PALLD: variants seen among roughly 807,000 people sequenced by gnomAD.
PALLD encodes the protein palladin.
In PALLD, 61 loss-of-function variants were observed where a neutral mutation model predicts 123.5. The observed-to-expected ratio is 0.49, with a 90% CI of 0.40 to 0.61. PALLD has a LOEUF of 0.61. Among genes scored for constraint, PALLD ranks in the 20% least tolerant of loss-of-function variants. PALLD has a pLI of 0.00. For synonymous variants in PALLD, 465 were observed against 496.4 expected (o/e 0.94, Z 0.84); for missense variants, 1,273 against 1,377.0 (o/e 0.92, Z 1.20).
At chr4:168,571,425 C>T (rs1449938466) in intron 2 of PALLD, among the ~76,000 whole-genome samples, 1 of 152,140 alleles carries the variant, frequency 6.6e-6, no homozygotes, top group Non-Finnish European at 1.5e-5. Context: ...ATACCTGAAA[C>T]TGGAAAAGTT....
chr4:168,742,377 A>G (rs1330544433), intron 10 of PALLD, among the ~76,000 whole-genome samples: 5 of 152,220 alleles, frequency 3.3e-5, no homozygotes, highest in Non-Finnish European at 5.9e-5. Context: ...ACAGAGGCCA[A>G]ATTTATCCCA....
At chr4:168,517,777 T>A (rs142842451) in intron 2 of PALLD, among the ~76,000 whole-genome samples, 1 of 152,306 alleles carries the variant, frequency 6.6e-6, no homozygotes, top group African/African-American at 2.4e-5. Flanking sequence ...CCCAGGAGTA[T>A]CGTTGTTGTT....
At chr4:168,519,420 T>C (rs746657104) in intron 2 of PALLD, among the ~76,000 whole-genome samples, 1 of 152,242 alleles carries the variant, frequency 6.6e-6, no homozygotes, top group Non-Finnish European at 1.5e-5. Context: ...AGAAAATATC[T>C]TGGTGTTAAG....
chr4:168,743,083 T>C (rs1788518735), intron 10 of PALLD, among the ~76,000 whole-genome samples: 1 of 152,202 alleles, frequency 6.6e-6, no homozygotes. Context: ...TCCCCAGCAG[T>C]AGAAATTTCT....
intron 18 of PALLD, 118 bp from the exon 19 acceptor site, chr4:168,924,136 TG>T: frequency 2.4e-6 from 2 of 838,224 alleles, no homozygotes; most frequent in Non-Finnish European, 4.0e-6. Context: ...TCTTACCACC[TG>T]GAGTAAAAAA....
intron 2 of PALLD, among the ~76,000 whole-genome samples, chr4:168,536,850 C>T (rs549436581): frequency 1.4e-5 from 2 of 144,624 alleles, no homozygotes; most frequent in African/African-American, 5.3e-5. Flanking sequence ...TTTTTTGAGA[C>T]GGAGTCTCAC....
chr4:168,872,745 A>C (rs939693094), intron 10 of PALLD, among the ~76,000 whole-genome samples: 2 of 152,192 alleles, frequency 1.3e-5, no homozygotes, highest in Non-Finnish European at 2.9e-5. Context: ...GGGCAATCAT[A>C]AGTTAGTGCT....
At chr4:168,824,626 A>G (rs770604858) in intron 10 of PALLD, among the ~76,000 whole-genome samples, 3 of 151,980 alleles carry the variant, frequency 2.0e-5, no homozygotes, top group Non-Finnish European at 4.4e-5. Flanking sequence ...CAATGGAATT[A>G]TTTTTTACAT....
chr4:168,907,566 G>A (rs1758065855), intron 15 of PALLD, among the ~76,000 whole-genome samples: 1 of 152,162 alleles, frequency 6.6e-6, no homozygotes. Context: ...CACACATGAA[G>A]CTGGGAAGCT....
intron 10 of PALLD, among the ~76,000 whole-genome samples, chr4:168,717,349 T>A (rs983881322): frequency 1.3e-5 from 2 of 151,774 alleles, no homozygotes; most frequent in Non-Finnish European, 2.9e-5. Context: ...TTTTGTTTTT[T>A]TGTTTTTTTT....
intron 2 of PALLD, among the ~76,000 whole-genome samples, chr4:168,552,735 G>A (rs554984001): frequency 6.6e-6 from 1 of 152,224 alleles, no homozygotes; most frequent in South Asian, 2.1e-4. Context: ...GAGTGCAGTG[G>A]CATGATCTCA....
intron 3 of PALLD, among the ~76,000 whole-genome samples, chr4:168,668,757 T>C (rs915911378): frequency 1.3e-5 from 2 of 152,216 alleles, no homozygotes; most frequent in African/African-American, 4.8e-5. Context: ...TTGAATACTT[T>C]TTAATGTTCT....
chr4:168,637,943 CAAAAAAAAAAA>C (rs11416996), intron 2 of PALLD, among the ~76,000 whole-genome samples: 3 of 60,446 alleles, frequency 5.0e-5, no homozygotes, highest in Admixed American at 4.2e-4. Flanking sequence ...GAATACATCT[CAAAAAAAAAAA>C]AAAAAAAAAA....
intron 2 of PALLD, among the ~76,000 whole-genome samples, chr4:168,596,972 TA>T (rs1772052217): frequency 6.6e-6 from 1 of 151,946 alleles, no homozygotes; most frequent in East Asian, 1.9e-4. Context: ...GTAAATCTAA[TA>T]AAAATTGAAT....
chr4:168,725,534 T>C (rs2150283489), intron 10 of PALLD, among the ~76,000 whole-genome samples: 1 of 142,550 alleles, frequency 7.0e-6, no homozygotes, highest in East Asian at 2.0e-4. Context: ...TTTTTTTTTT[T>C]TTTTTTTTTT....
chr4:168,917,785 C>G (rs187494393), intron 17 of PALLD, among the ~76,000 whole-genome samples: 1 of 151,882 alleles, frequency 6.6e-6, no homozygotes, highest in East Asian at 1.9e-4. Flanking sequence ...AATTGTGTTT[C>G]AGTCTGTATA....
intron 10 of PALLD, among the ~76,000 whole-genome samples, chr4:168,743,403 A>G (rs927580380): frequency 6.6e-6 from 1 of 152,154 alleles, no homozygotes; most frequent in Non-Finnish European, 1.5e-5. Context: ...ATATGGTTCA[A>G]TTACTTTCGA....
intron 2 of PALLD, among the ~76,000 whole-genome samples, chr4:168,538,830 T>C (rs1359445417): frequency 2.6e-5 from 4 of 152,198 alleles, no homozygotes; most frequent in African/African-American, 9.7e-5. Flanking sequence ...AAGTGGGTGA[T>C]TACCCGCGAT....
intron 2 of PALLD, among the ~76,000 whole-genome samples, chr4:168,609,672 G>A (rs1334232906): frequency 6.6e-6 from 1 of 152,198 alleles, no homozygotes; most frequent in East Asian, 1.9e-4. Context: ...TCCTTGCAGG[G>A]AGTTGCGATG....
Sources: gnomAD v4.1 joint callset for allele counts (sites outside exome capture counted in the v4.1 genomes callset) on GRCh38, gnomAD v4.1.1 for gene constraint, MANE v1.5 for transcripts, NCBI Gene and HGNC (gene_info 2026-07-23, HGNC 2026-07-21) for gene names.